The following CERT1 variants were observed in gnomAD, a reference collection of about 807,000 sequenced individuals.
CERT1 encodes the protein ceramide transfer protein.
A neutral mutation model predicts 87.9 loss-of-function variants in CERT1; 31 were observed. That is an observed-to-expected ratio of 0.35 (90% CI 0.27 to 0.48). The LOEUF (loss-of-function observed/expected upper bound fraction) is 0.48, where lower values mean the gene tolerates loss of function less well. CERT1 is among the 20% of genes least tolerant of loss of function. The pLI is 0.99. For missense variants in CERT1, 487 were observed against 758.0 expected (o/e 0.64, Z 4.20); for synonymous variants, 289 against 250.9 (o/e 1.15, Z -1.44).
intron 3 of CERT1, among the ~76,000 whole-genome samples, chr5:75,451,103 T>G (rs989988318): frequency 6.6e-6 from 1 of 151,816 alleles, no homozygotes; most frequent in Non-Finnish European, 1.5e-5. Flanking sequence ...CTAAAGGGGG[T>G]TGGTACCTTG....
intron 5 of CERT1, among the ~76,000 whole-genome samples, chr5:75,424,516 G>A (rs937828008): frequency 6.6e-6 from 1 of 151,594 alleles, no homozygotes; most frequent in Non-Finnish European, 1.5e-5. Flanking sequence ...AGGTTGCAGC[G>A]AGCCGAGATC....
At chr5:75,479,578 T>C (rs994908559) in intron 2 of CERT1, among the ~76,000 whole-genome samples, 24 of 152,196 alleles carry the variant, frequency 1.6e-4, no homozygotes, top group Non-Finnish European at 2.9e-4. Context: ...CTAAGGATAA[T>C]AGTCTCCAGC....
At chr5:75,424,352 C>T (rs1316418867) in intron 5 of CERT1, among the ~76,000 whole-genome samples, 1 of 151,878 alleles carries the variant, frequency 6.6e-6, no homozygotes, top group South Asian at 2.1e-4. Flanking sequence ...AAGGCCGAGG[C>T]GGGCAGATCA....
intron 2 of CERT1, among the ~76,000 whole-genome samples, chr5:75,500,552 T>C (rs1224950266): frequency 6.6e-6 from 1 of 152,224 alleles, no homozygotes; most frequent in Non-Finnish European, 1.5e-5. Context: ...ATTATGAGTT[T>C]CTCAAAGCAT....
chr5:75,511,922 T>A (rs1256950157), upstream of CERT1: 21 of 1,186,278 alleles, frequency 1.8e-5, no homozygotes, highest in Non-Finnish European at 2.5e-5. Context: ...CGGGTGAGTA[T>A]CCCGCGCGGG....
chr5:75,411,905 T>C (rs1297811880), intron 7 of CERT1, among the ~76,000 whole-genome samples: 1 of 152,240 alleles, frequency 6.6e-6, no homozygotes, highest in Non-Finnish European at 1.5e-5. Flanking sequence ...CTTCTTATAC[T>C]TTCTCACTGC....
At chr5:75,490,825 T>C (rs1314558794) in intron 2 of CERT1, among the ~76,000 whole-genome samples, 4 of 152,158 alleles carry the variant, frequency 2.6e-5, no homozygotes, top group African/African-American at 9.7e-5. Flanking sequence ...CTATTTTCAG[T>C]ATCTGGTAAC....
chr5:75,372,324 C>A (rs1262571454), intron 17 of CERT1: 1 of 152,128 alleles, frequency 6.6e-6, no homozygotes, highest in Non-Finnish European at 1.5e-5. Flanking sequence ...CCCAACCCCC[C>A]CATTCTCCCA....
At chr5:75,412,444 T>C (rs1762969282) in intron 7 of CERT1, among the ~76,000 whole-genome samples, 1 of 152,230 alleles carries the variant, frequency 6.6e-6, no homozygotes. Flanking sequence ...AGAGAACAGA[T>C]TATGCTTGTG....
Position 75,382,004 on chromosome 5 carries a change from T to C in CERT1, c.1562A>G (p.Asn521Ser), listed in dbSNP as rs1381143360. The change falls in exon 15 of 17, where the codon AAT becomes AGT. Residue 521 changes from asparagine to serine, a missense_variant. Asn to Ser is a conservative substitution (Grantham distance 46). This residue lies in a region of CERT1 where 147 missense variants were observed against 200.8 expected (regional missense o/e 0.73). Transcript: ENST00000643780. ...VIRKIPALTE[N>S]DPETWIVCNF... ...ACAAACTATCCAAGTTTCAGGGTCA[T>C]TTTCAGTCAAGGCTGGTATCTTTCG... 6.2e-7 allele frequency: 1 copy of C among 1,613,920 alleles called. No individual in the cohort carries two copies. The highest frequency in any genetic ancestry group is 8.5e-7 in the Non-Finnish European group (1 of 1,179,852).
Position 75,508,176 on chromosome 5 carries a change from C to T in CERT1, c.97-2060G>A, listed in dbSNP as rs1767743400. ...AAGACCCTTCATGGATTAATCCTAC[C>T]TCATTTACAATTACCACACTTCATA... is the stretch of plus-strand genomic sequence containing the variant. On this transcript the variant is annotated intron_variant, in intron 1 of 16. Coordinates refer to ENST00000643780, the MANE Select transcript of CERT1 (RefSeq NM_001379029.1). Among the ~76,000 whole-genome samples, 3 of 152,300 alleles carry T rather than the reference C, an allele frequency of 2.0e-5. No homozygotes were observed. The South Asian group carries it at 6.2e-4, about 32-fold the overall frequency.
At chr5:75,467,996 A>C (rs1206576741) in intron 2 of CERT1, among the ~76,000 whole-genome samples, 1 of 152,220 alleles carries the variant, frequency 6.6e-6, no homozygotes, top group East Asian at 1.9e-4. Context: ...ACATTCAACA[A>C]AATGCAAAAA....
intron 2 of CERT1, among the ~76,000 whole-genome samples, chr5:75,486,215 G>T (rs1766518127): frequency 6.6e-6 from 1 of 151,712 alleles, no homozygotes; most frequent in African/African-American, 2.4e-5. Context: ...AAATCTACGT[G>T]GTACATTATA....
chr5:75,467,753 A>C (rs1765533528), intron 2 of CERT1, among the ~76,000 whole-genome samples: 1 of 152,162 alleles, frequency 6.6e-6, no homozygotes, highest in Non-Finnish European at 1.5e-5. Context: ...ATAAATTTGC[A>C]TAGAACTACA....
downstream of CERT1, chr5:75,374,722 C>T (rs1040919702): frequency 1.7e-5 from 10 of 588,878 alleles, no homozygotes; most frequent in African/African-American, 1.3e-4. Flanking sequence ...AGTCAGGAAT[C>T]GATCTCATGA....
intron 3 of CERT1, among the ~76,000 whole-genome samples, chr5:75,455,330 AC>A (rs1764934985): frequency 6.6e-6 from 1 of 152,174 alleles, no homozygotes; most frequent in African/African-American, 2.4e-5. Context: ...TGCTTCCACA[AC>A]CAGCAGGATG....
chr5:75,500,641 T>C (rs1252805518), intron 2 of CERT1, among the ~76,000 whole-genome samples: 1 of 152,166 alleles, frequency 6.6e-6, no homozygotes, highest in African/African-American at 2.4e-5. Flanking sequence ...TAACAACTAG[T>C]TTCTTATCTA....
intron 3 of CERT1, among the ~76,000 whole-genome samples, chr5:75,457,959 ATGTGTGTGTG>A (rs10549096): frequency 6.8e-6 from 1 of 146,706 alleles, no homozygotes. Flanking sequence ...CCTGTTAAAA[ATGTGTGTGTG>A]TGTGTGTGTG....
rs180871048 is a variant in CERT1, at chr5:75,447,474, A to T, written c.348+11591T>A. On this transcript the variant is annotated intron_variant, in intron 3 of 16. Transcript: ENST00000643780. ...TATTTATTTATTTATTTATTTATTTATTTTTTATTTTTTTGAGACGGAGTT... is the reference window on the plus strand; with the variant it reads ...TATTTATTTATTTATTTATTTATTTTTTTTTTATTTTTTTGAGACGGAGTT... 1.9e-4 allele frequency among the ~76,000 whole-genome samples: 28 copies of T among 149,032 alleles called. No homozygotes were observed. In the South Asian group the frequency reaches 4.6e-3, roughly 24 times the overall value.
Sources: gnomAD v4.1 joint callset for allele counts (sites outside exome capture counted in the v4.1 genomes callset) on GRCh38, gnomAD v4.1.1 for gene constraint, gnomAD v4.1.1 regional missense constraint, MANE v1.5 for transcripts, NCBI Gene and HGNC (gene_info 2026-07-23, HGNC 2026-07-21) for gene names.